The following DIS3L2 variants were observed in gnomAD, a reference collection of about 807,000 sequenced individuals.
DIS3L2 encodes DIS3 like 3'-5' exoribonuclease 2.
Under a neutral mutation model 97.5 loss-of-function variants are expected in DIS3L2, and 34 were observed. The ratio of observed to expected loss-of-function variants is 0.35; its 90% CI spans 0.27 to 0.46. The LOEUF is 0.46. DIS3L2 is among the 20% of genes least tolerant of loss of function. DIS3L2 has a pLI of 1.00. For missense variants in DIS3L2, 1,038 were observed against 1,146.0 expected (o/e 0.91, Z 1.36); for synonymous variants, 435 against 445.2 (o/e 0.98, Z 0.29).
intron 9 of DIS3L2, among the ~76,000 whole-genome samples, chr2:232,207,448 C>T (rs1430343511): frequency 6.6e-6 from 1 of 152,158 alleles, no homozygotes; most frequent in African/African-American, 2.4e-5. Flanking sequence ...GGAACACAGC[C>T]CTCGGAGCAC....
chr2:232,185,849 C>CA (rs71056259), intron 9 of DIS3L2, among the ~76,000 whole-genome samples: 2,077 of 102,218 alleles, frequency 0.02, 29 homozygotes, highest in African/African-American at 0.024. Context: ...GACTTCGTCT[C>CA]AAAAAAAAAA....
chr2:232,219,395 G>A (rs1265684255), intron 10 of DIS3L2, among the ~76,000 whole-genome samples: 1 of 152,170 alleles, frequency 6.6e-6, no homozygotes, highest in Non-Finnish European at 1.5e-5. Context: ...TACCTTCAGT[G>A]TTTCACTCCT....
At chr2:232,222,752 C>T (rs373482316) in intron 10 of DIS3L2, among the ~76,000 whole-genome samples, 2 of 152,268 alleles carry the variant, frequency 1.3e-5, no homozygotes, top group East Asian at 3.8e-4. Flanking sequence ...CAGGCGTGAG[C>T]CACTGCACCC....
intron 15 of DIS3L2, 91 bp downstream of exon 15, chr2:232,330,087 C>G (rs528652272): frequency 3.5e-6 from 5 of 1,424,286 alleles, no homozygotes; most frequent in Middle Eastern, 2.2e-4. Flanking sequence ...CCTCTGCTTC[C>G]CCCCAGAGTC....
At chr2:232,077,925 T>TTTTC (rs914286789) in intron 5 of DIS3L2, among the ~76,000 whole-genome samples, 58 of 151,968 alleles carry the variant, frequency 3.8e-4, no homozygotes, top group Non-Finnish European at 5.3e-4. Context: ...TTATAGAGTA[T>TTTTC]TTTCTTTCTT....
At chr2:231,990,615 G>T (rs963149424) in intron 1 of DIS3L2, among the ~76,000 whole-genome samples, 1 of 152,168 alleles carries the variant, frequency 6.6e-6, no homozygotes, top group South Asian at 2.1e-4. Context: ...ACATTTTTGG[G>T]CCTTATTTGG....
chr2:232,052,956 G>A (rs1434890948), intron 5 of DIS3L2, among the ~76,000 whole-genome samples: 1 of 152,202 alleles, frequency 6.6e-6, no homozygotes, highest in Non-Finnish European at 1.5e-5. Flanking sequence ...AGTGCCGTTT[G>A]TTGTTGAGTA....
At chr2:232,259,440 G>A (rs1693659925) in intron 12 of DIS3L2, among the ~76,000 whole-genome samples, 1 of 152,104 alleles carries the variant, frequency 6.6e-6, no homozygotes, top group African/African-American at 2.4e-5. Flanking sequence ...ATTCCAAGTG[G>A]CTCCTGGTCA....
intron 1 of DIS3L2, among the ~76,000 whole-genome samples, chr2:232,008,816 C>T (rs1694120659): frequency 6.6e-6 from 1 of 152,168 alleles, no homozygotes; most frequent in Non-Finnish European, 1.5e-5. Context: ...TGAGGCTTAA[C>T]ATAAGTCAGT....
intron 9 of DIS3L2, among the ~76,000 whole-genome samples, chr2:232,196,143 C>T (rs1266770428): frequency 6.6e-6 from 1 of 152,022 alleles, no homozygotes; most frequent in Non-Finnish European, 1.5e-5. Context: ...TGCTCTGTCA[C>T]CCAGGTTGGA....
chr2:232,217,673 G>A (rs1260608430), intron 10 of DIS3L2, among the ~76,000 whole-genome samples: 2 of 152,212 alleles, frequency 1.3e-5, no homozygotes, highest in East Asian at 3.9e-4. Flanking sequence ...AAGTTTAGTG[G>A]TTTATTATAA....
At chr2:232,025,946 A>AATG (rs1694644663) in intron 4 of DIS3L2, among the ~76,000 whole-genome samples, 1 of 152,142 alleles carries the variant, frequency 6.6e-6, no homozygotes, top group South Asian at 2.1e-4. Flanking sequence ...AATGTCACTC[A>AATG]ATGTAGTAAG....
rs114146051 is a variant in DIS3L2, at chr2:232,101,902, A to G, written c.601+14181A>G. The stretch of plus-strand genomic sequence containing the variant: ...AGAATCATTGCTGGATACTAAAACT[A>G]TTGAGATAAAGGTTTTGGGGACCAA... On this transcript the variant is annotated intron_variant, in intron 6 of 20. Transcript: ENST00000325385. Among the ~76,000 whole-genome samples the G allele has an allele frequency of 1.7e-3, 256 of 152,352 alleles. 2 individuals are homozygous for G. The highest frequency in any genetic ancestry group is 3.2e-3 in the Non-Finnish European group (218 of 68,026).
chr2:232,016,611 A>G (rs906916564), intron 3 of DIS3L2, among the ~76,000 whole-genome samples: 1 of 152,162 alleles, frequency 6.6e-6, no homozygotes, highest in Non-Finnish European at 1.5e-5. Flanking sequence ...GGCGCTAACG[A>G]AAACATGAAC....
At chr2:232,327,866 G>A (rs1173618583) in intron 14 of DIS3L2, among the ~76,000 whole-genome samples, 1 of 152,224 alleles carries the variant, frequency 6.6e-6, no homozygotes. Flanking sequence ...GCCTGCCAGT[G>A]CAGAACCTGT....
intron 9 of DIS3L2, among the ~76,000 whole-genome samples, chr2:232,173,391 C>A (rs185907047): frequency 4.1e-4 from 62 of 152,138 alleles, no homozygotes; most frequent in Non-Finnish European, 3.8e-4. Context: ...TCACCACACC[C>A]TGCCAATTTT....
chr2:232,237,846 G>GA (rs1213780164), intron 10 of DIS3L2, among the ~76,000 whole-genome samples: 10 of 152,122 alleles, frequency 6.6e-5, no homozygotes. Flanking sequence ...CCAAGCATAG[G>GA]AAAAAGTATG....
chr2:232,297,098 C>T (rs1359805650), intron 13 of DIS3L2, among the ~76,000 whole-genome samples: 1 of 152,192 alleles, frequency 6.6e-6, no homozygotes, highest in East Asian at 1.9e-4. Flanking sequence ...TTAGCTGTCT[C>T]CAACGCCACT....
rs1202276905 is a variant in DIS3L2 at position 232,077,993 on chromosome 2, C to CTT, written c.367-9492_367-9491dup. 4.2e-3 allele frequency among the ~76,000 whole-genome samples: 562 copies of CTT among 133,368 alleles called. 8 individuals are homozygous for CTT. Among genetic ancestry groups the CTT allele is most frequent in the Non-Finnish European group, 3.9e-3 (245 of 62,704 alleles). The allele number at this position is 133,368 out of a possible 152,430, so 87.5% of individuals were successfully genotyped here. A position where few individuals can be genotyped will look rare whatever the true frequency, so the allele number is the denominator to read the frequency against. ...TCTTTCTTTCTTTCTTTCTTTCTTTCTTTCTTTCTTTCTTTCTTTCTTTCT... is the reference window on the plus strand; with the variant it reads ...TCTTTCTTTCTTTCTTTCTTTCTTTCTTTTTCTTTCTTTCTTTCTTTCTTTCT... On this transcript the variant is annotated intron_variant, in intron 5 of 20. Transcript: ENST00000325385.
Sources: allele counts gnomAD v4.1 joint callset (sites outside exome capture counted in the v4.1 genomes callset), GRCh38; gene constraint gnomAD v4.1.1; transcripts MANE v1.5; gene names NCBI Gene and HGNC (gene_info 2026-07-23, HGNC 2026-07-21).